The following GTPBP10 variants were observed in gnomAD, a reference collection of about 807,000 sequenced individuals.
GTPBP10 encodes the protein GTP binding protein 10.
GTPBP10 carries 38 observed loss-of-function variants against 44.8 expected under a neutral mutation model. The observed-to-expected ratio is 0.85, with a 90% CI of 0.65 to 1.11. The LOEUF is 1.11. GTPBP10 is among the 50% of genes most tolerant of loss of function. The pLI, the probability that GTPBP10 is intolerant of heterozygous loss-of-function variation, is 0.00. For missense variants in GTPBP10, 462 were observed against 453.7 expected (o/e 1.02, Z -0.17); for synonymous variants, 152 against 150.6 (o/e 1.01, Z -0.07).
At chr7:90,363,225 A>G (rs1363621394) in intron 4 of GTPBP10, among the ~76,000 whole-genome samples, 1 of 152,124 alleles carries the variant, frequency 6.6e-6, no homozygotes, top group Non-Finnish European at 1.5e-5. Flanking sequence ...GTTTGTTCCT[A>G]GCGTTGGTGG....
chr7:90,382,160 A>G lies in GTPBP10; in HGVS notation c.778-796A>G, dbSNP rs936363797. 2.6e-5 allele frequency among the ~76,000 whole-genome samples: 4 copies of G among 152,246 alleles called. No homozygotes were observed. In the East Asian group the frequency reaches 5.8e-4, roughly 22 times the overall value. Reference sequence around the variant, plus strand: ...AAAATATTTGTAAATCATATATCTGATAAGTGGTTGATATCCAAAACATAA... The same window carrying G: ...AAAATATTTGTAAATCATATATCTGGTAAGTGGTTGATATCCAAAACATAA... On this transcript the variant is annotated intron_variant, in intron 8 of 9. Coordinates refer to ENST00000222511, the MANE Select transcript of GTPBP10 (RefSeq NM_033107.4).
intron 2 of GTPBP10, 42 bp downstream of exon 2, chr7:90,353,051 C>T: frequency 7.4e-7 from 1 of 1,356,200 alleles, no homozygotes; most frequent in Non-Finnish European, 9.9e-7. Context: ...AAAATCAAAC[C>T]CTTCTGGAAA....
chr7:90,353,121 T>C (rs1490624856), intron 2 of GTPBP10, 112 bp downstream of exon 2: 1 of 671,302 alleles, frequency 1.5e-6, no homozygotes, highest in African/African-American at 1.8e-5. Context: ...TTATTTCCTG[T>C]ATTTATAACC....
intron 8 of GTPBP10, among the ~76,000 whole-genome samples, chr7:90,381,104 AGATCTCTTT>A (rs1796428698): frequency 6.6e-6 from 1 of 152,218 alleles, no homozygotes; most frequent in African/African-American, 2.4e-5. Flanking sequence ...GGGAATGCAG[AGATCTCTTT>A]GACATACTGA....
Position 90,386,885 on chromosome 7 carries a change from C to T in GTPBP10, c.*1731C>T, listed in dbSNP as rs181163140. 5 of 152,124 alleles carry T rather than the reference C, an allele frequency of 3.3e-5. No homozygotes were observed. The highest frequency in any genetic ancestry group is 4.8e-5 in the African/African-American group (2 of 41,490). The allele number at this position is 152,124 out of a possible 1,614,324, so 9.4% of individuals were successfully genotyped here. A position where few individuals can be genotyped will look rare whatever the true frequency, so the allele number is the denominator to read the frequency against. On this transcript the variant is annotated 3_prime_UTR_variant, in exon 10 of 10. Transcript: ENST00000222511. Reference sequence around the variant, plus strand: ...GCATATAAGTAACTAATAAAAGCTCCCTTTCTGCATTAGGCCCCTCAGTTC... The same window carrying T: ...GCATATAAGTAACTAATAAAAGCTCTCTTTCTGCATTAGGCCCCTCAGTTC...
chr7:90,354,691 TATAAAAGTTA>T, intron 3 of GTPBP10, 142 bp downstream of exon 3: 1 of 500,376 alleles, frequency 2.0e-6, no homozygotes. Flanking sequence ...TTTTAAAACT[TATAAAAGTTA>T]AATTGACTGC....
At chr7:90,368,185 C>T (rs944890733) in intron 4 of GTPBP10, among the ~76,000 whole-genome samples, 17 of 152,142 alleles carry the variant, frequency 1.1e-4, no homozygotes, top group African/African-American at 2.9e-4. Flanking sequence ...TGTGGGTAAC[C>T]GTACCTTTCT....
chr7:90,351,999 A>G (rs1374734409), intron 1 of GTPBP10, among the ~76,000 whole-genome samples: 3 of 152,198 alleles, frequency 2.0e-5, no homozygotes, highest in Non-Finnish European at 2.9e-5. Flanking sequence ...CTTGGCTCAT[A>G]AGCATTTTTT....
chr7:90,373,868 T>C (rs905982973), intron 5 of GTPBP10, among the ~76,000 whole-genome samples: 8 of 152,188 alleles, frequency 5.3e-5, no homozygotes, highest in Admixed American at 2.0e-4. Context: ...AGAGACAGGG[T>C]CTAGCTATGT....
chr7:90,385,193 C>A lies in GTPBP10; in HGVS notation c.*39C>A. 1.4e-6 allele frequency: 2 copies of A among 1,403,252 alleles called. No homozygotes were observed. The highest frequency in any genetic ancestry group is 1.4e-5 in the South Asian group (1 of 72,740). 86.9% of individuals were successfully genotyped at this position (1,403,252 alleles called of 1,614,324 possible). A position where few individuals can be genotyped will look rare whatever the true frequency, so the allele number is the denominator to read the frequency against. On this transcript the variant is annotated 3_prime_UTR_variant, in exon 10 of 10. Coordinates refer to ENST00000222511, the MANE Select transcript of GTPBP10 (RefSeq NM_033107.4). ...GGTATTGATGGAACAGTATTTAATGCTTAAAAACAAGGAAATCCTTTCATC... is the reference window on the plus strand; with the variant it reads ...GGTATTGATGGAACAGTATTTAATGATTAAAAACAAGGAAATCCTTTCATC...
In GTPBP10 at chr7:90,368,264, G is replaced by A. The variant is rs182734974; in HGVS notation, c.465-3891G>A. ...GAATCTGACAATTATGTGTCTTGCGGTTGCTCTTCTCGAGGAGTATCTTTG... is the reference window on the plus strand; with the variant it reads ...GAATCTGACAATTATGTGTCTTGCGATTGCTCTTCTCGAGGAGTATCTTTG... On this transcript the variant is annotated intron_variant, in intron 4 of 9. Coordinates refer to ENST00000222511, the MANE Select transcript of GTPBP10 (RefSeq NM_033107.4). Among the ~76,000 whole-genome samples, 1,263 of 152,160 alleles carry A rather than the reference G, an allele frequency of 8.3e-3. 15 individuals are homozygous for A. Among genetic ancestry groups the A allele is most frequent in the African/African-American group, 0.029 (1,187 of 41,500 alleles).
At chr7:90,369,971 C>T (rs535586654) in intron 4 of GTPBP10, among the ~76,000 whole-genome samples, 7 of 152,184 alleles carry the variant, frequency 4.6e-5, no homozygotes, top group African/African-American at 9.6e-5. Context: ...CTTACAAAGA[C>T]GTACAGAGTG....
At chr7:90,359,821 T>C (rs970359956) in intron 4 of GTPBP10, among the ~76,000 whole-genome samples, 2 of 152,228 alleles carry the variant, frequency 1.3e-5, no homozygotes, top group African/African-American at 4.8e-5. Flanking sequence ...CCTGACTTTT[T>C]AAGGATCGCC....
chr7:90,380,712 T>A (rs1221534301), intron 8 of GTPBP10, among the ~76,000 whole-genome samples: 1 of 152,222 alleles, frequency 6.6e-6, no homozygotes, highest in Non-Finnish European at 1.5e-5. Flanking sequence ...TTAACTATAG[T>A]CATCATACTG....
In GTPBP10 at chr7:90,385,123, C is replaced by A; in HGVS notation, c.1133C>A (p.Ala378Asp). ...MSSTEPPSKH[A>D]VTTSKMDII Reference sequence around the variant, plus strand: ...TCTACTGAGCCACCATCAAAGCATGCTGTTACTACTTCCAAAATGGATATA... The same window carrying A: ...TCTACTGAGCCACCATCAAAGCATGATGTTACTACTTCCAAAATGGATATA... The change falls in exon 10 of 10, where the codon GCT becomes GAT. Residue 378 changes from alanine (A) to aspartate (D), a missense_variant. Ala to Asp is a moderately radical substitution (Grantham distance 126, BLOSUM62 -2). Coordinates refer to ENST00000222511, the MANE Select transcript of GTPBP10 (RefSeq NM_033107.4). 1 of 1,607,076 alleles carries A rather than the reference C, an allele frequency of 6.2e-7. No individual in the cohort carries two copies. Among genetic ancestry groups the A allele is most frequent in the Non-Finnish European group, 8.5e-7 (1 of 1,175,834 alleles).
rs17865174 is a variant in GTPBP10, at chr7:90,373,213, G to C, written c.538+985G>C. On this transcript the variant is annotated intron_variant, in intron 5 of 9. Coordinates refer to ENST00000222511, the MANE Select transcript of GTPBP10 (RefSeq NM_033107.4). ...GCATGTCACATAGACCATTTAGGCT[G>C]TATTTGATTTTTATATCTTAAGAGC... 7.2e-5 allele frequency among the ~76,000 whole-genome samples: 11 copies of C among 152,286 alleles called. No homozygotes were observed. The East Asian group carries it at 1.9e-3, about 27-fold the overall frequency.
chr7:90,371,215 C>G, intron 4 of GTPBP10: 1 of 968,192 alleles, frequency 1.0e-6, no homozygotes, highest in South Asian at 4.8e-5. Context: ...TTAACAGTGT[C>G]TGTCTACCTG....
At position 90,377,568 on chromosome 7, in the gene GTPBP10, A is replaced by G. The variant is rs761928538; in HGVS notation, c.653A>G (p.His218Arg). 7 of 1,611,666 alleles carry G rather than the reference A, an allele frequency of 4.3e-6. No homozygotes were observed. The Admixed American group carries it at 6.7e-5, about 15-fold the overall frequency. ...EGAHMNKGMGHKFLKHIERTR... is the reference protein window; with the variant it reads ...EGAHMNKGMGRKFLKHIERTR... The stretch of plus-strand genomic sequence containing the variant: ...GCACATATGAACAAAGGAATGGGCC[A>G]CAAATTCCTCAAGCATATAGAAAGA... Residue 218 changes from histidine to arginine, a missense_variant, in exon 7 of 10, where the codon CAC becomes CGC. By Grantham distance (29) the His-to-Arg change is conservative. Coordinates refer to ENST00000222511, the MANE Select transcript of GTPBP10 (RefSeq NM_033107.4).
chr7:90,364,893 T>C (rs945113429), intron 4 of GTPBP10, among the ~76,000 whole-genome samples: 1 of 152,156 alleles, frequency 6.6e-6, no homozygotes, highest in African/African-American at 2.4e-5. Flanking sequence ...GTGCTAGCAA[T>C]GAGTGAAGCT....
Sources: allele counts gnomAD v4.1 joint callset (sites outside exome capture counted in the v4.1 genomes callset), GRCh38; gene constraint gnomAD v4.1.1; transcripts MANE v1.5; gene names NCBI Gene and HGNC (gene_info 2026-07-23, HGNC 2026-07-21).